PHF14: variants seen among roughly 807,000 people sequenced by gnomAD.
The protein encoded by PHF14 is PHD finger protein 14.
Under a neutral mutation model 117.9 loss-of-function variants are expected in PHF14, and 55 were observed. That is an observed-to-expected ratio of 0.47 (90% CI 0.38 to 0.58). The LOEUF (loss-of-function observed/expected upper bound fraction) is 0.58, where lower values mean the gene tolerates loss of function less well. PHF14 is among the 20% of genes least tolerant of loss of function. PHF14 has a pLI of 0.00. For synonymous variants in PHF14, 409 were observed against 368.6 expected (o/e 1.11, Z -1.26); for missense variants, 978 against 1,122.2 (o/e 0.87, Z 1.84).
chr7:11,101,667 TTGTC>T (rs1485491591), intron 16 of PHF14, among the ~76,000 whole-genome samples: 15 of 151,972 alleles, frequency 9.9e-5, no homozygotes, highest in African/African-American at 2.9e-4. Context: ...AACGCTTTAT[TTGTC>T]TGTGTGCCAC....
intron 13 of PHF14, among the ~76,000 whole-genome samples, chr7:11,047,692 T>G (rs1474085116): frequency 6.7e-6 from 1 of 149,906 alleles, no homozygotes; most frequent in African/African-American, 2.5e-5. Flanking sequence ...GAGGCTGAGG[T>G]AGAGAATTGC....
At chr7:11,169,356 G>A in intron 17 of PHF14, 60 bp from the exon 18 acceptor site, 1 of 748,518 alleles carries the variant, frequency 1.3e-6, no homozygotes, top group Non-Finnish European at 2.2e-6. Context: ...AATCTGTCAA[G>A]TATAGCTGAT....
chr7:11,111,934 A>G (rs919884736), intron 17 of PHF14, among the ~76,000 whole-genome samples: 2 of 151,498 alleles, frequency 1.3e-5, no homozygotes, highest in Non-Finnish European at 2.9e-5. Context: ...TAGTTTTCAT[A>G]TCCTAAATCT....
chr7:11,143,963 A>G (rs1270209384), intron 17 of PHF14, among the ~76,000 whole-genome samples: 2 of 152,162 alleles, frequency 1.3e-5, no homozygotes, highest in Non-Finnish European at 2.9e-5. Context: ...AAAAAAAGTA[A>G]TTGCAGAGTA....
intron 17 of PHF14, among the ~76,000 whole-genome samples, chr7:11,124,920 T>A (rs1206797993): frequency 2.0e-5 from 3 of 152,102 alleles, no homozygotes; most frequent in African/African-American, 7.2e-5. Flanking sequence ...GTCTTTCTAA[T>A]GGATAGGGGA....
In PHF14 at chr7:11,087,411, C is replaced by G. The variant is rs538228974; in HGVS notation, c.2655-23939C>G. Among the ~76,000 whole-genome samples, 3 of 152,214 alleles carry G rather than the reference C, an allele frequency of 2.0e-5. No homozygotes were observed. In the South Asian group the frequency reaches 6.2e-4, roughly 32 times the overall value. Reference sequence around the variant, plus strand: ...ATCACCATGTTGGCCATACTGGTCTCGAACTCCTGACCTTGTGATCCACCT... The same window carrying G: ...ATCACCATGTTGGCCATACTGGTCTGGAACTCCTGACCTTGTGATCCACCT... On this transcript the variant is annotated intron_variant, in intron 16 of 17. Transcript: ENST00000634607.
intron 4 of PHF14, 135 bp downstream of exon 4, chr7:10,990,982 T>A (rs1782428528): frequency 1.7e-6 from 1 of 595,472 alleles, no homozygotes; most frequent in Non-Finnish European, 2.8e-6. Flanking sequence ...TGGATGCTAT[T>A]TTTCAGGTTA....
chr7:11,064,950 A>G (rs1359927052), intron 16 of PHF14, among the ~76,000 whole-genome samples: 1 of 152,080 alleles, frequency 6.6e-6, no homozygotes, highest in East Asian at 1.9e-4. Flanking sequence ...ATTTAGTAAC[A>G]CAAAGAATAC....
chr7:11,044,031 T>C (rs528215274), intron 13 of PHF14, among the ~76,000 whole-genome samples: 1 of 151,968 alleles, frequency 6.6e-6, no homozygotes, highest in Non-Finnish European at 1.5e-5. Flanking sequence ...ATGTTCTTTG[T>C]AGCAACAAGG....
At chr7:11,122,352 T>TATATATATATATATACAC in intron 17 of PHF14, among the ~76,000 whole-genome samples, 7 of 65,876 alleles carry the variant, frequency 1.1e-4, no homozygotes, top group East Asian at 1.2e-3. Flanking sequence ...TATATATATA[T>TATATATATATATATACAC]ACACACACAC....
At chr7:11,062,642 G>A (rs1490306604) in intron 16 of PHF14, 6 of 953,816 alleles carry the variant, frequency 6.3e-6, no homozygotes, top group Admixed American at 1.2e-4. Context: ...TCTTTGTTTC[G>A]TTTTGGTACT....
chr7:11,129,574 A>G (rs531887994), intron 17 of PHF14, among the ~76,000 whole-genome samples: 3 of 144,422 alleles, frequency 2.1e-5, no homozygotes, highest in East Asian at 2.0e-4. Context: ...TTGCCTTTAC[A>G]TAAAATTTAA....
chr7:11,021,760 G>C (rs1483549131), intron 5 of PHF14, among the ~76,000 whole-genome samples: 1 of 152,006 alleles, frequency 6.6e-6, no homozygotes, highest in Non-Finnish European at 1.5e-5. Context: ...ATTCTATCAA[G>C]AAAATCTCAA....
intron 16 of PHF14, chr7:11,063,618 T>C (rs2128330258): frequency 1.0e-6 from 1 of 976,878 alleles, no homozygotes; most frequent in Non-Finnish European, 1.2e-6. Context: ...AATATGAGAT[T>C]GATTGAGGCC....
At chr7:11,096,168 A>G (rs1786853693) in intron 16 of PHF14, among the ~76,000 whole-genome samples, 1 of 152,150 alleles carries the variant, frequency 6.6e-6, no homozygotes, top group African/African-American at 2.4e-5. Context: ...GTGTCTGAGT[A>G]TATGCATGCA....
chr7:11,063,595 AT>A (rs917394197), intron 16 of PHF14: 34,780 of 643,190 alleles, frequency 0.054, 1 homozygote, highest in Non-Finnish European at 0.061. Flanking sequence ...TGTCTTACTA[AT>A]TTTTTTTTTT....
chr7:10,986,576 AT>A (rs1425462732), intron 3 of PHF14, among the ~76,000 whole-genome samples: 1 of 152,202 alleles, frequency 6.6e-6, no homozygotes, highest in South Asian at 2.1e-4. Context: ...GATAAACTGC[AT>A]TTTCCGCAAA....
intron 16 of PHF14, chr7:11,102,459 T>A (rs1293949805): frequency 5.0e-6 from 8 of 1,607,516 alleles, no homozygotes; most frequent in Non-Finnish European, 6.8e-6. Context: ...AATGTTAATG[T>A]TCTTTTCTTA....
At chr7:11,038,385 C>A (rs183900301) in intron 10 of PHF14, among the ~76,000 whole-genome samples, 35 of 147,012 alleles carry the variant, frequency 2.4e-4, no homozygotes, top group Admixed American at 7.6e-4. Flanking sequence ...GACACAAGAT[C>A]GTGCTACTGC....
Sources: gnomAD v4.1 joint callset for allele counts (sites outside exome capture counted in the v4.1 genomes callset) on GRCh38, gnomAD v4.1.1 for gene constraint, MANE v1.5 for transcripts, NCBI Gene and HGNC (gene_info 2026-07-23, HGNC 2026-07-21) for gene names.